Variants in LRIG2 observed in about 807,000 individuals in gnomAD.
LRIG2 encodes the protein leucine-rich repeats and immunoglobulin-like domains protein 2.
A neutral mutation model predicts 107.8 loss-of-function variants in LRIG2; 93 were observed. That is an observed-to-expected ratio of 0.86 (90% CI 0.73 to 1.03). LRIG2 has a LOEUF of 1.03. LRIG2 is among the 50% of genes least tolerant of loss of function. LRIG2 has a pLI of 0.00. For missense variants in LRIG2, 1,226 were observed against 1,296.0 expected (o/e 0.95, Z 0.83); for synonymous variants, 471 against 470.6 (o/e 1.00, Z -0.01).
intron 15 of LRIG2, 112 bp from the exon 16 acceptor site, chr1:113,116,175 A>G (rs1299789630): frequency 1.3e-6 from 1 of 762,094 alleles, no homozygotes; most frequent in Non-Finnish European, 2.1e-6. Flanking sequence ...GGTCCTAGGT[A>G]CGTACAGTTT....
rs1655626833 is a variant in LRIG2, at chr1:113,129,550, A to ACACC, written c.*5450_*5451insACCC. 1.3e-5 allele frequency: 2 copies of ACACC among 149,430 alleles called. No homozygotes were observed. Among genetic ancestry groups the ACACC allele is most frequent in the African/African-American group, 4.9e-5 (2 of 40,558 alleles). The allele number at this position is 149,430 out of a possible 1,614,324, so 9.3% of individuals were successfully genotyped here. A position where few individuals can be genotyped will look rare whatever the true frequency, so the allele number is the denominator to read the frequency against. On this transcript the variant is annotated 3_prime_UTR_variant, in exon 18 of 18. Coordinates refer to ENST00000361127, the MANE Select transcript of LRIG2 (RefSeq NM_014813.3). ...TAAATAAACACACACACACACACAC[A>ACACC]CCCCTAGGAAAAGGAATTCCTGAAA...
At chr1:113,121,190 T>G (rs1328374314) in intron 17 of LRIG2, among the ~76,000 whole-genome samples, 3 of 152,126 alleles carry the variant, frequency 2.0e-5, no homozygotes, top group Non-Finnish European at 4.4e-5. Context: ...ACTTGGCGGG[T>G]GTTTTTTTCT....
intron 8 of LRIG2, among the ~76,000 whole-genome samples, chr1:113,097,364 T>C (rs1330105087): frequency 6.6e-6 from 1 of 152,114 alleles, no homozygotes; most frequent in Non-Finnish European, 1.5e-5. Context: ...TTGAAATGGT[T>C]CAGAGAAGAG....
intron 13 of LRIG2, 62 bp from the exon 14 acceptor site, chr1:113,112,417 G>T: frequency 2.1e-6 from 3 of 1,445,650 alleles, no homozygotes; most frequent in Admixed American, 2.0e-5. Context: ...ATGCCTATTT[G>T]TATGCATATA....
chr1:113,101,712 G>A (rs1376531814), intron 11 of LRIG2, among the ~76,000 whole-genome samples: 1 of 152,218 alleles, frequency 6.6e-6, no homozygotes, highest in Non-Finnish European at 1.5e-5. Context: ...CCTTACAACT[G>A]TGTGATAATG....
chr1:113,079,666 C>T (rs916488834), intron 1 of LRIG2, among the ~76,000 whole-genome samples: 1 of 141,322 alleles, frequency 7.1e-6, no homozygotes, highest in African/African-American at 2.6e-5. Context: ...AGCAAGACTC[C>T]ATCTCAAAAA....
chr1:113,110,652 A>T, intron 13 of LRIG2, 90 bp downstream of exon 13: 1 of 916,882 alleles, frequency 1.1e-6, no homozygotes, highest in Non-Finnish European at 1.7e-6. Context: ...ACTAAATCTG[A>T]CATTTAAGTA....
At position 113,114,640 on chromosome 1, in the gene LRIG2, C is replaced by A; in HGVS notation, c.2294C>A (p.Thr765Asn). The change falls in exon 15 of 18, where the codon ACC (threonine) becomes AAC (asparagine). Residue 765 changes from threonine (T) to asparagine (N), a missense_variant. Transcript: ENST00000361127. ...GGGCTAGAAGATGCTGGGAAATATA[C>A]CTGCATTATGTCTAACACCCTTGGG... is the stretch of plus-strand genomic sequence containing the variant. ...DAGLEDAGKY[T>N]CIMSNTLGTE... 3 of 1,614,054 alleles carry A rather than the reference C, an allele frequency of 1.9e-6. No homozygotes were observed. The highest frequency in any genetic ancestry group is 3.3e-4 in the Middle Eastern group (2 of 6,060).
intron 10 of LRIG2, 23 bp downstream of exon 10, chr1:113,100,305 G>T: frequency 1.3e-6 from 2 of 1,560,596 alleles, no homozygotes; most frequent in Non-Finnish European, 8.8e-7. Context: ...CATACATTTT[G>T]CTTACTCTAT....
At chr1:113,120,829 T>C (rs1557922437) in intron 17 of LRIG2, among the ~76,000 whole-genome samples, 1 of 150,988 alleles carries the variant, frequency 6.6e-6, no homozygotes, top group African/African-American at 2.4e-5. Flanking sequence ...GTTTTTTTTT[T>C]TTTATTTGAG....
intron 1 of LRIG2, among the ~76,000 whole-genome samples, chr1:113,074,501 G>A (rs1652864932): frequency 6.6e-6 from 1 of 152,134 alleles, no homozygotes; most frequent in Non-Finnish European, 1.5e-5. Context: ...ACAACAGCAG[G>A]TATTAAATGC....
intron 1 of LRIG2, among the ~76,000 whole-genome samples, chr1:113,080,759 C>G (rs1011014524): frequency 6.6e-6 from 1 of 151,176 alleles, no homozygotes; most frequent in Non-Finnish European, 1.5e-5. Flanking sequence ...GTGAATGAAT[C>G]AGGGCATTAT....
At chr1:113,122,397 T>C (rs1292767982) in intron 17 of LRIG2, among the ~76,000 whole-genome samples, 1 of 152,220 alleles carries the variant, frequency 6.6e-6, no homozygotes, top group East Asian at 1.9e-4. Context: ...TCTATTGTTC[T>C]TAAGAGATCA....
intron 5 of LRIG2, 53 bp from the exon 6 acceptor site, chr1:113,094,559 T>G (rs1653964983): frequency 3.1e-6 from 5 of 1,589,634 alleles, no homozygotes; most frequent in Non-Finnish European, 3.4e-6. Context: ...TTAATTACTG[T>G]TAGAACATTT....
intron 14 of LRIG2, among the ~76,000 whole-genome samples, chr1:113,113,536 ATTTAT>A (rs1654867169): frequency 2.1e-5 from 1 of 48,630 alleles, no homozygotes. Context: ...TCATTTATTT[ATTTAT>A]TTATTTATTT....
chr1:113,114,384 G>A, intron 14 of LRIG2, 43 bp from the exon 15 acceptor site: 1 of 1,329,522 alleles, frequency 7.5e-7, no homozygotes, highest in Non-Finnish European at 1.0e-6. Context: ...GAATAAAATT[G>A]CCTAACTTTT....
chr1:113,087,451 C>T (rs1035074203), intron 1 of LRIG2, among the ~76,000 whole-genome samples: 3 of 152,272 alleles, frequency 2.0e-5, no homozygotes, highest in African/African-American at 7.2e-5. Context: ...TGGGTTCAAG[C>T]GATTCTCCTG....
chr1:113,076,003 ACTT>A (rs1652965385), intron 1 of LRIG2, among the ~76,000 whole-genome samples: 1 of 131,062 alleles, frequency 7.6e-6, no homozygotes, highest in Non-Finnish European at 1.6e-5. Flanking sequence ...GGCCTGGCCT[ACTT>A]TTTTTTTTTT....
chr1:113,081,544 C>T (rs902020306), intron 1 of LRIG2, among the ~76,000 whole-genome samples: 2 of 151,974 alleles, frequency 1.3e-5, no homozygotes, highest in African/African-American at 2.4e-5. Flanking sequence ...AGGATAGTCT[C>T]GATCTCTTGA....
Sources: gnomAD v4.1 joint callset for allele counts (sites outside exome capture counted in the v4.1 genomes callset) on GRCh38, gnomAD v4.1.1 for gene constraint, MANE v1.5 for transcripts, NCBI Gene and HGNC (gene_info 2026-07-23, HGNC 2026-07-21) for gene names.